The following NEGR1 variants were observed in gnomAD, a reference collection of about 807,000 sequenced individuals.
The protein encoded by NEGR1 is IgLON family member 4.
Under a neutral mutation model 40.9 loss-of-function variants are expected in NEGR1, and 10 were observed. The ratio of observed to expected loss-of-function variants is 0.24; its 90% confidence interval spans 0.15 to 0.42. NEGR1 has a LOEUF of 0.42. Ranked by LOEUF, NEGR1 falls within the 10% of genes least tolerant of loss-of-function variation. NEGR1 has a pLI of 1.00. For synonymous variants in NEGR1, 185 were observed against 166.8 expected (o/e 1.11, Z -0.84); for missense variants, 352 against 438.9 (o/e 0.80, Z 1.77).
intron 2 of NEGR1, among the ~76,000 whole-genome samples, chr1:71,808,726 T>A (rs1657871429): frequency 6.6e-6 from 1 of 152,114 alleles, no homozygotes; most frequent in African/African-American, 2.4e-5. Context: ...TGTTACATAT[T>A]CTTATTTCAG....
At chr1:71,564,025 G>C (rs1297332065) in intron 6 of NEGR1, among the ~76,000 whole-genome samples, 2 of 151,740 alleles carry the variant, frequency 1.3e-5, no homozygotes, top group Non-Finnish European at 2.9e-5. Flanking sequence ...GCTTGGAAAT[G>C]GAAGGAAAAA....
chr1:72,256,277 G>A (rs1287946833), intron 1 of NEGR1, among the ~76,000 whole-genome samples: 1 of 152,106 alleles, frequency 6.6e-6, no homozygotes, highest in Non-Finnish European at 1.5e-5. Flanking sequence ...AGACTAACAG[G>A]ATATCATCAA....
At chr1:71,898,260 A>G (rs189327125) in intron 2 of NEGR1, among the ~76,000 whole-genome samples, 1 of 152,238 alleles carries the variant, frequency 6.6e-6, no homozygotes, top group East Asian at 1.9e-4. Flanking sequence ...TTTCTTATTA[A>G]TACATTTTTA....
At chr1:71,886,456 G>GA (rs770727548) in intron 2 of NEGR1, among the ~76,000 whole-genome samples, 1,551 of 145,478 alleles carry the variant, frequency 0.011, 18 homozygotes, top group African/African-American at 0.027. Flanking sequence ...AGTTTATGGG[G>GA]GAAAAAAAAA....
intron 3 of NEGR1, among the ~76,000 whole-genome samples, chr1:71,750,136 G>T (rs557450425): frequency 6.6e-6 from 1 of 152,104 alleles, no homozygotes; most frequent in East Asian, 2.0e-4. Flanking sequence ...TGGGACTACA[G>T]GCGCCCGCCA....
chr1:71,758,456 G>A (rs961105255), intron 3 of NEGR1, among the ~76,000 whole-genome samples: 1 of 151,956 alleles, frequency 6.6e-6, no homozygotes, highest in Non-Finnish European at 1.5e-5. Context: ...TAAAGAGATA[G>A]CATACTAAAA....
intron 6 of NEGR1, among the ~76,000 whole-genome samples, chr1:71,447,586 C>A (rs1227209275): frequency 6.6e-6 from 1 of 152,204 alleles, no homozygotes; most frequent in African/African-American, 2.4e-5. Flanking sequence ...TTCTACTCTT[C>A]CTTTAAATCT....
chr1:72,251,448 T>C (rs565554544), intron 1 of NEGR1, among the ~76,000 whole-genome samples: 1 of 152,292 alleles, frequency 6.6e-6, no homozygotes, highest in East Asian at 1.9e-4. Flanking sequence ...ACACAAATTA[T>C]GTCATCCCTC....
chr1:72,219,778 A>G (rs1653949900), intron 1 of NEGR1, among the ~76,000 whole-genome samples: 1 of 152,120 alleles, frequency 6.6e-6, no homozygotes, highest in African/African-American at 2.4e-5. Context: ...GTGCATGGAC[A>G]TAACTATCTT....
At chr1:71,996,714 T>G (rs1646507537) in intron 1 of NEGR1, among the ~76,000 whole-genome samples, 1 of 152,114 alleles carries the variant, frequency 6.6e-6, no homozygotes, top group Non-Finnish European at 1.5e-5. Context: ...CTTCAAAGTT[T>G]CAGGCATTAT....
At chr1:71,809,023 G>A (rs1242414753) in intron 2 of NEGR1, among the ~76,000 whole-genome samples, 1 of 152,108 alleles carries the variant, frequency 6.6e-6, no homozygotes, top group African/African-American at 2.4e-5. Flanking sequence ...CATTGTGATT[G>A]AGAAGCATCC....
intron 3 of NEGR1, among the ~76,000 whole-genome samples, chr1:71,705,715 G>T (rs554735222): frequency 2.0e-5 from 3 of 147,162 alleles, no homozygotes; most frequent in African/African-American, 7.5e-5. Flanking sequence ...GTGAGACTCA[G>T]TAAAAAGAAA....
At chr1:72,059,185 A>T (rs1048948680) in intron 1 of NEGR1, among the ~76,000 whole-genome samples, 2 of 151,630 alleles carry the variant, frequency 1.3e-5, no homozygotes, top group African/African-American at 4.8e-5. Context: ...AGAGTACAGC[A>T]TCTAGTTAAA....
At chr1:72,017,516 A>G (rs1324573603) in intron 1 of NEGR1, among the ~76,000 whole-genome samples, 2 of 150,266 alleles carry the variant, frequency 1.3e-5, no homozygotes, top group Admixed American at 7.2e-5. Context: ...TAAAAAATTG[A>G]GTGTTTGTAC....
chr1:72,086,676 A>T (rs1648233440), intron 1 of NEGR1, among the ~76,000 whole-genome samples: 1 of 152,142 alleles, frequency 6.6e-6, no homozygotes, highest in Non-Finnish European at 1.5e-5. Flanking sequence ...CTTTATAATA[A>T]GTGTTGTTCC....
chr1:72,057,384 A>C (rs1647121604), intron 1 of NEGR1, among the ~76,000 whole-genome samples: 1 of 151,510 alleles, frequency 6.6e-6, no homozygotes, highest in Admixed American at 6.6e-5. Context: ...ATGTAGCTGG[A>C]TTCTCATACA....
In NEGR1 at chr1:72,202,161, C is replaced by T. The variant is rs975357468; in HGVS notation, c.176+80158G>A. ...GTGATATTTTATGTTACTATTGTAA[C>T]TTCTAGAGAATCATGAACCATGCTC... On this transcript the variant is annotated intron_variant, in intron 1 of 6. Transcript: ENST00000357731. 4.6e-5 allele frequency among the ~76,000 whole-genome samples: 7 copies of T among 152,024 alleles called. No homozygotes were observed. In the South Asian group the frequency reaches 1.5e-3, roughly 32 times the overall value.
intron 6 of NEGR1, among the ~76,000 whole-genome samples, chr1:71,507,542 A>G (rs1440187589): frequency 2.0e-5 from 3 of 152,164 alleles, no homozygotes; most frequent in Non-Finnish European, 2.9e-5. Flanking sequence ...TAATTAAAAA[A>G]CAGGCCATGG....
chr1:71,442,460 A>G (rs1646554617), intron 6 of NEGR1, among the ~76,000 whole-genome samples: 1 of 151,964 alleles, frequency 6.6e-6, no homozygotes, highest in Admixed American at 6.6e-5. Flanking sequence ...CTAAAAATAC[A>G]AAAATTAGCT....
Sources: gnomAD v4.1 joint callset for allele counts (sites outside exome capture counted in the v4.1 genomes callset) on GRCh38, gnomAD v4.1.1 for gene constraint, MANE v1.5 for transcripts, NCBI Gene and HGNC (gene_info 2026-07-23, HGNC 2026-07-21) for gene names.